Variants in LAT observed in about 807,000 individuals in gnomAD.
LAT encodes the protein linker for activation of T cells.
In LAT, 12 loss-of-function variants were observed where a neutral mutation model predicts 39.1. The ratio of observed to expected loss-of-function variants is 0.31; its 90% CI spans 0.20 to 0.50. The LOEUF is 0.50. Ranked by LOEUF, LAT falls within the 20% of genes least tolerant of loss-of-function variation. The pLI, the probability that LAT is intolerant of heterozygous loss-of-function variation, is 0.98. For synonymous variants in LAT, 117 were observed against 123.8 expected (o/e 0.95, Z 0.36); for missense variants, 253 against 308.0 (o/e 0.82, Z 1.34).
In LAT at chr16:28,986,436, T is replaced by C. The variant is rs1180288810; in HGVS notation, c.300T>C (p.Asp100=). The change falls in exon 5 of 12, where the codon GAT becomes GAC. Residue 100 remains aspartate (D), a synonymous_variant. Coordinates refer to ENST00000395456, the MANE Select transcript of LAT (RefSeq NM_001014987.2). This position sits in a 1 kb window ranked among gnomAD's most constrained non-coding sequence, Gnocchi z 5.7. ...GSHRTPSSRR[D]SDGANSVASY... ...ACCGGACGCCATCTTCCCGGCGGGATTCTGATGGTGGTAAGTGTGGGGAAG... is the reference window on the plus strand; with the variant it reads ...ACCGGACGCCATCTTCCCGGCGGGACTCTGATGGTGGTAAGTGTGGGGAAG... 1 of 1,613,694 alleles carries C rather than the reference T, an allele frequency of 6.2e-7. No homozygotes were observed. Among genetic ancestry groups the C allele is most frequent in the Non-Finnish European group, 8.5e-7 (1 of 1,180,000 alleles).
chr16:28,987,575 T>C (rs1467284545), intron 8 of LAT: 1 of 152,524 alleles, frequency 6.6e-6, no homozygotes, highest in African/African-American at 2.4e-5. Context: ...TCTTTAGTTT[T>C]CTGTTGCTTT....
Position 28,989,561 on chromosome 16 carries a change from G to T in LAT, c.528G>T (p.Glu176Asp), listed in dbSNP as rs1389121331. The T allele has an allele frequency of 6.2e-7, 1 of 1,611,824 alleles. No individual in the cohort carries two copies. Among genetic ancestry groups the T allele is most frequent in the Admixed American group, 1.7e-5 (1 of 59,742 alleles). Residue 176 changes from glutamate to aspartate, a missense_variant, in exon 9 of 12, where the codon GAG (glutamate) becomes GAT (aspartate). Physicochemically the swap from Glu to Asp is conservative, Grantham distance 45 (BLOSUM62 2). Transcript: ENST00000395456. ...ESIDDYVNVP[E>D]SGESAEASLD... ...TTGATGATTACGTGAACGTTCCGGA[G>T]AGCGGGGAGAGCGCAGAAGCGTCTC... is the stretch of plus-strand genomic sequence containing the variant.
rs769485203 is a variant in LAT, at chr16:28,985,470, T to G, written c.53T>G (p.Ile18Ser). The G allele has an allele frequency of 1.2e-6, 2 of 1,613,826 alleles. No individual in the cohort carries two copies. The highest frequency in any genetic ancestry group is 2.2e-5 in the South Asian group (2 of 91,086). Residue 18 changes from isoleucine to serine, a missense_variant, in exon 1 of 12, where the codon ATC (isoleucine) becomes AGC (serine). Physicochemically the swap from Ile to Ser is moderately radical, Grantham distance 142. Transcript: ENST00000395456. This position sits in a 1 kb window ranked among gnomAD's most constrained non-coding sequence, Gnocchi z 4.6. ...PCVLGLLLLPILAMLMALCVH... is the reference protein window; with the variant it reads ...PCVLGLLLLPSLAMLMALCVH... ...GTGCTGGGGCTCCTGCTGCTGCCCATCCTGGCCATGTTGATGGCACTGTGT... is the reference window on the plus strand; with the variant it reads ...GTGCTGGGGCTCCTGCTGCTGCCCAGCCTGGCCATGTTGATGGCACTGTGT...
In LAT at chr16:28,985,145, C is replaced by G. The variant is rs1965713102; in HGVS notation, c.-273C>G. Reference sequence around the variant, plus strand: ...GGCTGGGACGCAGGGGTAACTGGATCCCCCGACTTCAGCCCAGGCCCTGGT... The same window carrying G: ...GGCTGGGACGCAGGGGTAACTGGATGCCCCGACTTCAGCCCAGGCCCTGGT... On this transcript the variant is annotated 5_prime_UTR_variant, in exon 1 of 12. It adds an upstream start codon to the 5' untranslated region. Transcript: ENST00000395456. The surrounding 1 kb of genome is among the most constrained non-coding windows in gnomAD (Gnocchi z 4.6). The G allele has an allele frequency of 1.4e-6, 2 of 1,426,202 alleles. No individual in the cohort carries two copies. Among genetic ancestry groups the G allele is most frequent in the African/African-American group, 2.9e-5 (2 of 69,162 alleles). 88.3% of individuals were successfully genotyped at this position (1,426,202 alleles called of 1,614,324 possible).
Position 28,985,197 on chromosome 16 carries a change from C to CCACAGTCAGCTGGACG in LAT, c.-216_-201dup. The CCACAGTCAGCTGGACG allele has an allele frequency of 3.5e-6, 5 of 1,429,930 alleles. No individual in the cohort carries two copies. Among genetic ancestry groups the CCACAGTCAGCTGGACG allele is most frequent in the Non-Finnish European group, 4.6e-6 (5 of 1,096,434 alleles). The allele number at this position is 1,429,930 out of a possible 1,614,324, so 88.6% of individuals were successfully genotyped here. ...TGACCACCCTGGGAGCAGGGACTTT[C>CCACAGTCAGCTGGACG]CACAGTCAGCTGGACGCACACTCAG... is the stretch of plus-strand genomic sequence containing the variant. On this transcript the variant is annotated 5_prime_UTR_variant, in exon 1 of 12. Coordinates refer to ENST00000395456, the MANE Select transcript of LAT (RefSeq NM_001014987.2). This position sits in a 1 kb window ranked among gnomAD's most constrained non-coding sequence, Gnocchi z 4.6.
chr16:28,985,071 G>A lies in LAT; in HGVS notation c.-347G>A, dbSNP rs886720494. 8 of 1,426,738 alleles carry A rather than the reference G, an allele frequency of 5.6e-6. No homozygotes were observed. Among genetic ancestry groups the A allele is most frequent in the South Asian group, 1.5e-5 (1 of 66,840 alleles). The allele number at this position is 1,426,738 out of a possible 1,614,324, so 88.4% of individuals were successfully genotyped here. On this transcript the variant is annotated 5_prime_UTR_variant, in exon 1 of 12. Coordinates refer to ENST00000395456, the MANE Select transcript of LAT (RefSeq NM_001014987.2). This position sits in a 1 kb window ranked among gnomAD's most constrained non-coding sequence, Gnocchi z 4.6. ...CTCACCACAGCTTCCTGCCGCAGGCGGGCGGGAGGGCGGGCACGGAGAGGC... is the reference window on the plus strand; with the variant it reads ...CTCACCACAGCTTCCTGCCGCAGGCAGGCGGGAGGGCGGGCACGGAGAGGC...
chr16:28,986,622 C>T lies in LAT; in HGVS notation c.341-35C>T. On this transcript the variant is annotated intron_variant, in intron 6 of 11. Coordinates refer to ENST00000395456, the MANE Select transcript of LAT (RefSeq NM_001014987.2). This position sits in a 1 kb window ranked among gnomAD's most constrained non-coding sequence, Gnocchi z 5.7. ...CTGGGTGGGGAGTCTGGGGTCCGTCCTGGACTAGGCTGACCCCTGTGTCGT... is the reference window on the plus strand; with the variant it reads ...CTGGGTGGGGAGTCTGGGGTCCGTCTTGGACTAGGCTGACCCCTGTGTCGT... The T allele has an allele frequency of 6.2e-7, 1 of 1,613,992 alleles. No individual in the cohort carries two copies. Among genetic ancestry groups the T allele is most frequent in the African/African-American group, 1.3e-5 (1 of 75,020 alleles).
Position 28,986,307 on chromosome 16 carries a change from G to T in LAT, c.246-75G>T, listed in dbSNP as rs1203275464. The T allele has an allele frequency of 6.3e-7, 1 of 1,581,972 alleles. No homozygotes were observed. Among genetic ancestry groups the T allele is most frequent in the South Asian group, 1.1e-5 (1 of 89,450 alleles). ...ACCCCTTCACTTTTTTGGATTGGGGGCCCCTTTCCCTTTTGCAACTGCTGT... is the reference window on the plus strand; with the variant it reads ...ACCCCTTCACTTTTTTGGATTGGGGTCCCCTTTCCCTTTTGCAACTGCTGT... On this transcript the variant is annotated intron_variant, in intron 4 of 11. Coordinates refer to ENST00000395456, the MANE Select transcript of LAT (RefSeq NM_001014987.2). This position sits in a 1 kb window ranked among gnomAD's most constrained non-coding sequence, Gnocchi z 5.7.
At position 28,986,599 on chromosome 16, in the gene LAT, G is replaced by A; in HGVS notation, c.340+30G>A. ...GTCTGGGATCCGAGGTGCCCAGGCT[G>A]GGTGGGGAGTCTGGGGTCCGTCCTG... On this transcript the variant is annotated intron_variant, in intron 6 of 11. Transcript: ENST00000395456. This position sits in a 1 kb window ranked among gnomAD's most constrained non-coding sequence, Gnocchi z 5.7. The A allele has an allele frequency of 6.2e-7, 1 of 1,613,728 alleles. No homozygotes were observed. The highest frequency in any genetic ancestry group is 8.5e-7 in the Non-Finnish European group (1 of 1,179,734).
chr16:28,989,662 C>G, intron 9 of LAT, 73 bp downstream of exon 9: 2 of 1,581,270 alleles, frequency 1.3e-6, no homozygotes, highest in East Asian at 4.5e-5. Flanking sequence ...GTGACCAGAT[C>G]CCACCCTGGG....
rs745803209 is a variant in LAT at position 28,989,570 on chromosome 16, G to T, written c.537G>T (p.Glu179Asp). ...ACGTGAACGTTCCGGAGAGCGGGGAGAGCGCAGAAGCGTCTCTGGGTGAGT... is the reference window on the plus strand; with the variant it reads ...ACGTGAACGTTCCGGAGAGCGGGGATAGCGCAGAAGCGTCTCTGGGTGAGT... ...DDYVNVPESG[E>D]SAEASLDGSR... is the part of the protein sequence containing the mutation. Residue 179 changes from glutamate (E) to aspartate (D), a missense_variant, in exon 9 of 12, where the codon GAG becomes GAT. By Grantham distance (45) the Glu-to-Asp change is conservative. Coordinates refer to ENST00000395456, the MANE Select transcript of LAT (RefSeq NM_001014987.2). 6.2e-7 allele frequency: 1 copy of T among 1,611,366 alleles called. No homozygotes were observed. The highest frequency in any genetic ancestry group is 8.5e-7 in the Non-Finnish European group (1 of 1,178,568).
rs781119598 is a variant in LAT, at chr16:28,985,731, C to T, written c.119C>T (p.Ser40Phe). ...TTCCCAGGCTCCTACGACAGCACAT[C>T]CTCAGATAGGTGAGTCCGCCCCAGC... ...HRLPGSYDST[S>F]SDSLYPRGIQ... is the part of the protein sequence containing the mutation. The change falls in exon 2 of 12, where the codon TCC becomes TTC. Residue 40 changes from serine to phenylalanine, a missense_variant. Ser to Phe is a radical substitution (Grantham distance 155). Transcript: ENST00000395456. The surrounding 1 kb of genome is among the most constrained non-coding windows in gnomAD (Gnocchi z 4.6). 5.6e-6 allele frequency: 9 copies of T among 1,614,082 alleles called. No homozygotes were observed. The South Asian group carries it at 7.7e-5, about 14-fold the overall frequency.
In LAT at chr16:28,985,555, G is replaced by A. The variant is rs376181529; in HGVS notation, c.100+38G>A. 2.5e-6 allele frequency: 4 copies of A among 1,607,480 alleles called. 1 individual carries two copies. The South Asian group carries it at 4.4e-5, about 18-fold the overall frequency. On this transcript the variant is annotated intron_variant, in intron 1 of 11. Transcript: ENST00000395456. This position sits in a 1 kb window ranked among gnomAD's most constrained non-coding sequence, Gnocchi z 4.6. ...CTGGTGGGGGTACCCAGGGCCCAGG[G>A]ACACCGACGGGATCCTCATCCACTC...
chr16:28,990,073 TC>T, intron 11 of LAT, 54 bp downstream of exon 11: 1 of 1,463,210 alleles, frequency 6.8e-7, no homozygotes, highest in Non-Finnish European at 9.4e-7. Context: ...CTCTACTCCT[TC>T]CCTCCAGGAC....
Position 28,989,976 on chromosome 16 carries a change from G to A in LAT, c.666G>A (p.Gly222=). 2 of 1,613,802 alleles carry A rather than the reference G, an allele frequency of 1.2e-6. No individual in the cohort carries two copies. Among genetic ancestry groups the A allele is most frequent in the Non-Finnish European group, 1.7e-6 (2 of 1,179,962 alleles). The change falls in exon 11 of 12, where the codon GGG becomes GGA. Residue 222 remains glycine, a synonymous_variant. Coordinates refer to ENST00000395456, the MANE Select transcript of LAT (RefSeq NM_001014987.2). ...AGGCAGAGGAAGTGGAGGAAGAGGGGGCTCCAGATTACGAGAATCTGCAGG... is the reference window on the plus strand; with the variant it reads ...AGGCAGAGGAAGTGGAGGAAGAGGGAGCTCCAGATTACGAGAATCTGCAGG... ...SQEAEEVEEE[G]APDYENLQEL...
At position 28,985,603 on chromosome 16, in the gene LAT, C is replaced by T. The variant is rs1373866631; in HGVS notation, c.100+86C>T. Reference sequence around the variant, plus strand: ...CTCCCAGCCCCTGTGTCTGTCCTGGCTCTGTCCCTGCCTCCGTCCTGATCC... The same window carrying T: ...CTCCCAGCCCCTGTGTCTGTCCTGGTTCTGTCCCTGCCTCCGTCCTGATCC... On this transcript the variant is annotated intron_variant, in intron 1 of 11. Coordinates refer to ENST00000395456, the MANE Select transcript of LAT (RefSeq NM_001014987.2). This position sits in a 1 kb window ranked among gnomAD's most constrained non-coding sequence, Gnocchi z 4.6. 3.7e-6 allele frequency: 6 copies of T among 1,602,684 alleles called. No individual in the cohort carries two copies. Among genetic ancestry groups the T allele is most frequent in the South Asian group, 1.1e-5 (1 of 90,608 alleles).
rs1293542815 is a variant in LAT, at chr16:28,986,756, G to C, written c.398+42G>C. 6 of 1,609,320 alleles carry C rather than the reference G, an allele frequency of 3.7e-6. No individual in the cohort carries two copies. Among genetic ancestry groups the C allele is most frequent in the Non-Finnish European group, 4.2e-6 (5 of 1,176,962 alleles). On this transcript the variant is annotated intron_variant, in intron 7 of 11. Transcript: ENST00000395456. The surrounding 1 kb of genome is among the most constrained non-coding windows in gnomAD (Gnocchi z 5.7). ...GAGGTGGGAGGTGAGGGCTGAGGCT[G>C]TGCGTCCCCCCTTGCTCACCGGCCC...
Position 28,986,645 on chromosome 16 carries a change from C to T in LAT, c.341-12C>T, listed in dbSNP as rs891741122. ...TCCTGGACTAGGCTGACCCCTGTGT[C>T]GTTACCCCCAGAACCAGCCTGTGAG... On this transcript the variant is annotated splice_polypyrimidine_tract_variant and intron_variant, in intron 6 of 11. Transcript: ENST00000395456. The surrounding 1 kb of genome is among the most constrained non-coding windows in gnomAD (Gnocchi z 5.7). The T allele has an allele frequency of 1.2e-5, 19 of 1,613,836 alleles. 1 individual carries two copies. In the South Asian group the frequency reaches 1.2e-4, roughly 10 times the overall value.
chr16:28,985,573 A>G lies in LAT; in HGVS notation c.100+56A>G. On this transcript the variant is annotated intron_variant, in intron 1 of 11. Coordinates refer to ENST00000395456, the MANE Select transcript of LAT (RefSeq NM_001014987.2). This position sits in a 1 kb window ranked among gnomAD's most constrained non-coding sequence, Gnocchi z 4.6. Reference sequence around the variant, plus strand: ...GCCCAGGGACACCGACGGGATCCTCATCCACTCCCAGCCCCTGTGTCTGTC... The same window carrying G: ...GCCCAGGGACACCGACGGGATCCTCGTCCACTCCCAGCCCCTGTGTCTGTC... 5 of 1,602,774 alleles carry G rather than the reference A, an allele frequency of 3.1e-6. No homozygotes were observed. The East Asian group carries it at 1.1e-4, about 36-fold the overall frequency.
Sources: gnomAD v4.1 joint callset for allele counts on GRCh38, gnomAD v4.1.1 for gene constraint, Gnocchi (gnomAD v3.1) non-coding constraint, MANE v1.5 for transcripts, NCBI Gene and HGNC (gene_info 2026-07-23, HGNC 2026-07-21) for gene names.